The following CFAP299 variants were observed in gnomAD, a reference collection of about 807,000 sequenced individuals.
CFAP299 encodes the protein cilia- and flagella-associated protein 299.
CFAP299 carries 21 observed loss-of-function variants against 27.0 expected under a neutral mutation model. The ratio of observed to expected loss-of-function variants is 0.78; its 90% CI spans 0.55 to 1.12. The LOEUF is 1.12. Among genes scored for constraint, CFAP299 ranks in the 50% most tolerant of loss-of-function variants. The probability of loss-of-function intolerance (pLI) is 0.00; values close to 1 mark genes in which losing one functional copy is unlikely to be tolerated. For synonymous variants in CFAP299, 104 were observed against 98.1 expected (o/e 1.06, Z -0.36); for missense variants, 310 against 276.6 (o/e 1.12, Z -0.86).
intron 4 of CFAP299, among the ~76,000 whole-genome samples, chr4:80,903,654 A>G (rs1193231861): frequency 6.6e-6 from 1 of 152,122 alleles, no homozygotes; most frequent in Non-Finnish European, 1.5e-5. Context: ...AAATACAGAT[A>G]TAGATAAATA....
intron 2 of CFAP299, among the ~76,000 whole-genome samples, chr4:80,408,021 T>C (rs912159710): frequency 6.6e-6 from 1 of 152,232 alleles, no homozygotes; most frequent in African/African-American, 2.4e-5. Context: ...CTGTTGAATA[T>C]ACTACCATAG....
chr4:80,493,959 T>G (rs1007801306), intron 2 of CFAP299, among the ~76,000 whole-genome samples: 1 of 151,610 alleles, frequency 6.6e-6, no homozygotes, highest in African/African-American at 2.4e-5. Flanking sequence ...GTATTTTTAG[T>G]AGAGACGGGG....
intron 3 of CFAP299, among the ~76,000 whole-genome samples, chr4:80,867,916 T>G (rs970807634): frequency 5.3e-5 from 8 of 152,218 alleles, no homozygotes; most frequent in Non-Finnish European, 1.0e-4. Flanking sequence ...ATTTTCCTTT[T>G]CATTATTGCC....
intron 3 of CFAP299, among the ~76,000 whole-genome samples, chr4:80,648,202 A>G (rs1388854439): frequency 6.6e-6 from 1 of 152,196 alleles, no homozygotes; most frequent in Non-Finnish European, 1.5e-5. Context: ...TTCATGAGCA[A>G]GTCACTTAAA....
At chr4:80,954,307 T>G (rs562689269) in intron 5 of CFAP299, among the ~76,000 whole-genome samples, 1 of 152,152 alleles carries the variant, frequency 6.6e-6, no homozygotes, top group Non-Finnish European at 1.5e-5. Context: ...AGTAGTTAAT[T>G]CCCATGACTC....
chr4:80,348,637 G>C (rs1722866043), intron 1 of CFAP299, among the ~76,000 whole-genome samples: 3 of 152,068 alleles, frequency 2.0e-5, no homozygotes, highest in African/African-American at 7.2e-5. Context: ...TGCAATTCAA[G>C]AAGAAAGTTC....
chr4:80,859,870 A>T (rs1051007023), intron 3 of CFAP299, among the ~76,000 whole-genome samples: 2 of 152,054 alleles, frequency 1.3e-5, no homozygotes, highest in African/African-American at 4.8e-5. Context: ...AACGTTGGTG[A>T]ATCTGACAAT....
At chr4:80,596,490 G>A (rs558735814) in intron 3 of CFAP299, among the ~76,000 whole-genome samples, 63 of 151,884 alleles carry the variant, frequency 4.1e-4, no homozygotes, top group African/African-American at 1.5e-3. Flanking sequence ...GGCTTTTTAA[G>A]GTTAAAATTT....
chr4:80,622,278 C>A (rs776921645), intron 3 of CFAP299, among the ~76,000 whole-genome samples: 4 of 152,094 alleles, frequency 2.6e-5, no homozygotes, highest in Non-Finnish European at 4.4e-5. Flanking sequence ...GGCGATTGCA[C>A]TGAACATAAA....
intron 2 of CFAP299, among the ~76,000 whole-genome samples, chr4:80,493,759 C>CTTTTTTTTT (rs1177389983): frequency 5.2e-5 from 4 of 76,758 alleles, no homozygotes; most frequent in Non-Finnish European, 7.1e-5. Context: ...ATCTCATATT[C>CTTTTTTTTT]TTTTTTTTTT....
intron 3 of CFAP299, among the ~76,000 whole-genome samples, chr4:80,841,893 A>C (rs1409144619): frequency 6.6e-6 from 1 of 151,974 alleles, no homozygotes; most frequent in Admixed American, 6.6e-5. Flanking sequence ...TACTAGTATA[A>C]AAAAAAGGTC....
At chr4:80,328,609 AG>A in the CFAP299 span, among the ~76,000 whole-genome samples, 1 of 152,168 alleles carries the variant, frequency 6.6e-6, no homozygotes, top group African/African-American at 2.4e-5. Context: ...CTTAAAAAAA[AG>A]AAAACAAACC....
At chr4:80,471,421 A>C (rs1380566245) in intron 2 of CFAP299, among the ~76,000 whole-genome samples, 2 of 151,860 alleles carry the variant, frequency 1.3e-5, no homozygotes, top group Non-Finnish European at 2.9e-5. Context: ...GCCTTAAAAT[A>C]GTACTGCTAC....
intron 3 of CFAP299, among the ~76,000 whole-genome samples, chr4:80,722,758 G>A (rs1722910710): frequency 6.6e-6 from 1 of 151,956 alleles, no homozygotes; most frequent in Non-Finnish European, 1.5e-5. Context: ...AAATTAGCCG[G>A]GCGAGGTAGC....
intron 3 of CFAP299, among the ~76,000 whole-genome samples, chr4:80,747,704 T>G (rs1000705145): frequency 4.6e-5 from 7 of 152,044 alleles, no homozygotes; most frequent in African/African-American, 1.7e-4. Flanking sequence ...AGTATTTACC[T>G]GATTTTCTTG....
At chr4:80,887,310 A>G (rs1356262806) in intron 4 of CFAP299, among the ~76,000 whole-genome samples, 2 of 152,172 alleles carry the variant, frequency 1.3e-5, no homozygotes, top group African/African-American at 4.8e-5. Context: ...GTCAAGGATG[A>G]AGAAAGAATC....
intron 3 of CFAP299, among the ~76,000 whole-genome samples, chr4:80,851,850 G>C (rs771780500): frequency 1.3e-5 from 2 of 152,088 alleles, no homozygotes; most frequent in South Asian, 4.1e-4. Context: ...GGTTACAGTA[G>C]CCTCAGTGTG....
At chr4:80,426,025 G>C (rs1054986587) in intron 2 of CFAP299, among the ~76,000 whole-genome samples, 1 of 152,052 alleles carries the variant, frequency 6.6e-6, no homozygotes, top group African/African-American at 2.4e-5. Context: ...GGATCATTTA[G>C]TCAACAGCTA....
At chr4:80,386,493 C>T in intron 2 of CFAP299, 2 of 1,543,750 alleles carry the variant, frequency 1.3e-6, no homozygotes, top group South Asian at 2.4e-5. Flanking sequence ...CGGGGCTGCC[C>T]TCTTCTCGCG....
Sources: gnomAD v4.1 joint callset for allele counts (sites outside exome capture counted in the v4.1 genomes callset) on GRCh38, gnomAD v4.1.1 for gene constraint, MANE v1.5 for transcripts, NCBI Gene and HGNC (gene_info 2026-07-23, HGNC 2026-07-21) for gene names.